The following BLTP3A variants were observed in gnomAD, a reference collection of about 807,000 sequenced individuals.
The protein encoded by BLTP3A is bridge-like lipid transfer protein family member 3A.
the BLTP3A span, among the ~76,000 whole-genome samples, chr6:34,862,163 G>A: frequency 1.3e-5 from 2 of 151,962 alleles, no homozygotes; most frequent in Non-Finnish European, 2.9e-5. Flanking sequence ...CAGATCACGA[G>A]GCCAGGAGAT....
the BLTP3A span, among the ~76,000 whole-genome samples, chr6:34,863,335 T>C: frequency 6.6e-6 from 1 of 152,214 alleles, no homozygotes; most frequent in Non-Finnish European, 1.5e-5. Flanking sequence ...TAACTTTATC[T>C]TCCATTGCTC....
chr6:34,856,120 G>A, the BLTP3A span: 2 of 1,334,822 alleles, frequency 1.5e-6, no homozygotes, highest in Admixed American at 4.6e-5. Flanking sequence ...TTATCCTAGA[G>A]ATTTCTGCAC....
the BLTP3A span, chr6:34,856,761 A>T: frequency 5.6e-6 from 9 of 1,606,066 alleles, no homozygotes; most frequent in African/African-American, 1.2e-4. Flanking sequence ...AATGTATCTG[A>T]TTCTTTTTCC....
the BLTP3A span, among the ~76,000 whole-genome samples, chr6:34,853,749 C>T: frequency 6.6e-5 from 10 of 151,722 alleles, no homozygotes; most frequent in African/African-American, 1.5e-4. Context: ...TTAGTAGAGA[C>T]GAAGTTTCAT....
chr6:34,859,490 C>G, the BLTP3A span: 2 of 1,614,178 alleles, frequency 1.2e-6, no homozygotes, highest in African/African-American at 2.7e-5. Flanking sequence ...GAAGCTGTGT[C>G]CCTGACTAAG....
At chr6:34,796,928 C>A in the BLTP3A span, among the ~76,000 whole-genome samples, 1 of 152,326 alleles carries the variant, frequency 6.6e-6, no homozygotes, top group South Asian at 2.1e-4. Flanking sequence ...TCGTCTTGAT[C>A]TCTTGACCTG....
the BLTP3A span, among the ~76,000 whole-genome samples, chr6:34,845,628 G>A: frequency 1.3e-5 from 2 of 151,782 alleles, no homozygotes; most frequent in Non-Finnish European, 2.9e-5. Context: ...ATGGAGTCTT[G>A]CTCTGTCACC....
chr6:34,849,237 G>A, the BLTP3A span, among the ~76,000 whole-genome samples: 1 of 151,886 alleles, frequency 6.6e-6, no homozygotes, highest in African/African-American at 2.4e-5. Context: ...GGCATCAAGT[G>A]ATCCACCTGT....
At chr6:34,858,278 C>T in the BLTP3A span, 1 of 1,614,204 alleles carries the variant, frequency 6.2e-7, no homozygotes, top group Non-Finnish European at 8.5e-7. Flanking sequence ...TTTGCTGCTG[C>T]TGAGTTCTTT....
chr6:34,855,771 C>G, the BLTP3A span: 1 of 1,602,386 alleles, frequency 6.2e-7, no homozygotes, highest in South Asian at 1.1e-5. Context: ...TTCCTGGATT[C>G]ATCCCTGACC....
chr6:34,832,763 T>C, the BLTP3A span, among the ~76,000 whole-genome samples: 1 of 152,156 alleles, frequency 6.6e-6, no homozygotes, highest in Non-Finnish European at 1.5e-5. Context: ...TTATGTTTAA[T>C]ATCTATTTGC....
chr6:34,822,485 C>T, the BLTP3A span, among the ~76,000 whole-genome samples: 4 of 152,128 alleles, frequency 2.6e-5, no homozygotes, highest in Non-Finnish European at 5.9e-5. Flanking sequence ...GTGATCCACC[C>T]GTCTCAGCCT....
chr6:34,847,046 A>G, the BLTP3A span, among the ~76,000 whole-genome samples: 3 of 152,034 alleles, frequency 2.0e-5, no homozygotes, highest in African/African-American at 7.2e-5. Context: ...TCATTCTGTG[A>G]TATGTTGTAT....
chr6:34,799,570 T>C, the BLTP3A span, among the ~76,000 whole-genome samples: 1 of 152,066 alleles, frequency 6.6e-6, no homozygotes, highest in South Asian at 2.1e-4. Context: ...AACAGCATAA[T>C]ATATGGTTCA....
the BLTP3A span, among the ~76,000 whole-genome samples, chr6:34,801,576 G>A: frequency 2.0e-5 from 3 of 152,130 alleles, no homozygotes; most frequent in Non-Finnish European, 4.4e-5. Flanking sequence ...ACATAAAGAA[G>A]CATTGTCCCT....
At chr6:34,847,481 T>G in the BLTP3A span, among the ~76,000 whole-genome samples, 1 of 152,108 alleles carries the variant, frequency 6.6e-6, no homozygotes. Flanking sequence ...TTTGATCTCA[T>G]TACTTGTTAT....
At chr6:34,855,531 C>T in the BLTP3A span, 29 of 1,495,842 alleles carry the variant, frequency 1.9e-5, no homozygotes, top group Non-Finnish European at 2.6e-5. Context: ...TGAAGCTGGT[C>T]GTTAAGAGGA....
At chr6:34,836,200 AT>A in the BLTP3A span, 1 of 1,614,160 alleles carries the variant, frequency 6.2e-7, no homozygotes, top group Non-Finnish European at 8.5e-7. Flanking sequence ...GGGCCCAGGC[AT>A]TTGGTGGCAG....
the BLTP3A span, chr6:34,821,767 C>T: frequency 5.6e-6 from 9 of 1,614,148 alleles, no homozygotes; most frequent in Non-Finnish European, 7.6e-6. Flanking sequence ...TGGAGCTGCC[C>T]ACCTGGTTAG....
Sources: allele counts gnomAD v4.1 joint callset (sites outside exome capture counted in the v4.1 genomes callset), GRCh38; gene constraint gnomAD v4.1.1; transcripts MANE v1.5; gene names NCBI Gene and HGNC (gene_info 2026-07-23, HGNC 2026-07-21).